Variants in RASA2 observed in about 807,000 individuals in gnomAD.
RASA2 encodes ras GTPase-activating protein 2.
RASA2 carries 155 observed loss-of-function variants against 118.2 expected under a neutral mutation model. That is an observed-to-expected ratio of 1.31 (90% CI 1.15 to 1.50). RASA2 has a LOEUF of 1.50. Among genes scored for constraint, RASA2 ranks in the 40% most tolerant of loss-of-function variants. The pLI is 0.00. For synonymous variants in RASA2, 353 were observed against 349.1 expected, an observed-to-expected ratio of 1.01 and a Z score of -0.12; for missense variants, 1,016 against 1,009.6, an observed-to-expected ratio of 1.01 and a Z score of -0.09.
Position 141,608,685 on chromosome 3 carries a change from A to G in RASA2, c.2213A>G (p.Lys738Arg). The change falls in exon 21 of 24, where the codon AAG (lysine) becomes AGG (arginine). Residue 738 changes from lysine (K) to arginine (R), a missense_variant. Physicochemically the swap from Lys to Arg is conservative, Grantham distance 26. Transcript: ENST00000286364. ...ACTGGTGAAAACACTCTCGGCTGCA[A>G]GCCATGTACTGCGTAAGTTTCTTTC... is the stretch of plus-strand genomic sequence containing the variant. ...QETGENTLGC[K>R]PCTAGVPADI... 1.2e-6 allele frequency: 2 copies of G among 1,613,252 alleles called. No individual in the cohort carries two copies. The highest frequency in any genetic ancestry group is 8.5e-7 in the Non-Finnish European group (1 of 1,179,276).
At chr3:141,489,891 T>C (rs530027480) in intron 1 of RASA2, among the ~76,000 whole-genome samples, 21 of 150,162 alleles carry the variant, frequency 1.4e-4, no homozygotes, top group Non-Finnish European at 2.2e-4. Flanking sequence ...AAGGTGGAGG[T>C]CACAAAATAA....
At chr3:141,553,467 T>C (rs904830152) in intron 5 of RASA2, among the ~76,000 whole-genome samples, 3 of 152,158 alleles carry the variant, frequency 2.0e-5, no homozygotes, top group South Asian at 2.1e-4. Flanking sequence ...ACTTGCCCAT[T>C]AAGCATCCCA....
chr3:141,502,624 A>G (rs1229092774), intron 1 of RASA2, among the ~76,000 whole-genome samples: 3 of 152,188 alleles, frequency 2.0e-5, no homozygotes, highest in Admixed American at 6.5e-5. Flanking sequence ...TTGAAAATAT[A>G]TATCATTCAG....
intron 19 of RASA2, among the ~76,000 whole-genome samples, chr3:141,601,795 G>A (rs2107794377): frequency 6.6e-6 from 1 of 151,822 alleles, no homozygotes; most frequent in Middle Eastern, 3.4e-3. Flanking sequence ...TTTTCTTCTA[G>A]GGATCCTCCA....
intron 1 of RASA2, among the ~76,000 whole-genome samples, chr3:141,499,663 G>A (rs922104564): frequency 3.3e-5 from 5 of 151,998 alleles, no homozygotes; most frequent in African/African-American, 7.3e-5. Flanking sequence ...GCAGTGGTGC[G>A]ATCTCAGCTC....
chr3:141,503,370 A>G (rs1033158337), intron 1 of RASA2, among the ~76,000 whole-genome samples: 3 of 152,210 alleles, frequency 2.0e-5, no homozygotes, highest in Non-Finnish European at 4.4e-5. Flanking sequence ...TTTTTGTCCT[A>G]GATAAAATTT....
At chr3:141,543,998 C>G (rs551861883) in intron 5 of RASA2, among the ~76,000 whole-genome samples, 2 of 151,486 alleles carry the variant, frequency 1.3e-5, no homozygotes, top group African/African-American at 4.8e-5. Flanking sequence ...GCCTCAGCCT[C>G]CTAAGTAGCT....
chr3:141,520,291 A>G (rs111568264), intron 3 of RASA2, among the ~76,000 whole-genome samples: 4,674 of 152,128 alleles, frequency 0.031, 241 homozygotes, highest in African/African-American at 0.1. Flanking sequence ...GATTACAGGT[A>G]TGAGCCACCA....
At chr3:141,570,524 T>C (rs984178749) in intron 9 of RASA2, among the ~76,000 whole-genome samples, 3 of 152,184 alleles carry the variant, frequency 2.0e-5, no homozygotes, top group South Asian at 2.1e-4. Flanking sequence ...CCGGACTGTC[T>C]TAATTTTCAG....
chr3:141,591,110 G>A (rs1463420290), intron 19 of RASA2, among the ~76,000 whole-genome samples: 3 of 151,932 alleles, frequency 2.0e-5, no homozygotes, highest in African/African-American at 4.8e-5. Flanking sequence ...AGTTATATGC[G>A]GAGATCAAAC....
At chr3:141,602,535 A>C (rs1272198932) in intron 19 of RASA2, among the ~76,000 whole-genome samples, 1 of 152,190 alleles carries the variant, frequency 6.6e-6, no homozygotes. Context: ...TCTATGGTCC[A>C]GATTTTGGGG....
intron 1 of RASA2, among the ~76,000 whole-genome samples, chr3:141,504,751 A>G (rs2081838397): frequency 6.6e-6 from 1 of 152,146 alleles, no homozygotes; most frequent in Non-Finnish European, 1.5e-5. Flanking sequence ...ACACAAAAAA[A>G]GCCTAAGACT....
chr3:141,575,030 T>G (rs2082989095), intron 14 of RASA2, among the ~76,000 whole-genome samples: 1 of 152,248 alleles, frequency 6.6e-6, no homozygotes, highest in Non-Finnish European at 1.5e-5. Context: ...ATTCACATTT[T>G]AATATATTTC....
At chr3:141,585,896 AAATT>A in intron 17 of RASA2, 125 bp from the exon 18 acceptor site, 1 of 556,020 alleles carries the variant, frequency 1.8e-6, no homozygotes, top group Non-Finnish European at 3.0e-6. Context: ...TTTGTTTTAT[AAATT>A]ACTATTATGT....
chr3:141,537,579 G>T (rs537260842), intron 4 of RASA2, among the ~76,000 whole-genome samples: 3 of 152,086 alleles, frequency 2.0e-5, no homozygotes, highest in Non-Finnish European at 2.9e-5. Context: ...GACCAGCCTG[G>T]CCAACATGGT....
intron 5 of RASA2, among the ~76,000 whole-genome samples, chr3:141,546,953 C>G (rs185927571): frequency 6.6e-6 from 1 of 152,102 alleles, no homozygotes; most frequent in East Asian, 1.9e-4. Flanking sequence ...ATTGAAGAAA[C>G]TGTCCTTTCC....
intron 5 of RASA2, among the ~76,000 whole-genome samples, chr3:141,545,889 T>C (rs917213666): frequency 1.3e-5 from 2 of 152,198 alleles, no homozygotes; most frequent in African/African-American, 4.8e-5. Context: ...AAAACTTTGT[T>C]CTACTCTCTG....
In RASA2 at chr3:141,608,521, C is replaced by CT; in HGVS notation, c.2050dup (p.Tyr684LeufsTer6). 2 of 1,613,904 alleles carry CT rather than the reference C, an allele frequency of 1.2e-6. No individual in the cohort carries two copies. Among genetic ancestry groups the CT allele is most frequent in the African/African-American group, 1.3e-5 (1 of 75,014 alleles). On this transcript the variant is annotated frameshift_variant, in exon 21 of 24. Coordinates refer to ENST00000286364, the MANE Select transcript of RASA2 (RefSeq NM_006506.5). LOFTEE classifies it high-confidence loss of function. ...AAGTAATACATACGGAGAAACCACT[C>CT]TATGTCCAGGCAAATAACTGTGTAG... is the stretch of plus-strand genomic sequence containing the variant.
At chr3:141,512,397 G>A (rs2081965289) in intron 2 of RASA2, 117 bp downstream of exon 2, 2 of 699,764 alleles carry the variant, frequency 2.9e-6, no homozygotes, top group Non-Finnish European at 4.6e-6. Flanking sequence ...GCTTTCATGT[G>A]GCTTTTCATT....
Sources: allele counts gnomAD v4.1 joint callset (sites outside exome capture counted in the v4.1 genomes callset), GRCh38; gene constraint gnomAD v4.1.1; transcripts MANE v1.5; gene names NCBI Gene and HGNC (gene_info 2026-07-23, HGNC 2026-07-21).